The following BNC2 variants were observed in gnomAD, a reference collection of about 807,000 sequenced individuals.
The protein encoded by BNC2 is zinc finger protein basonuclin-2.
In BNC2, 20 loss-of-function variants were observed where a neutral mutation model predicts 76.3. That is an observed-to-expected ratio of 0.26 (90% CI 0.18 to 0.38). The LOEUF is 0.38. BNC2 is among the 10% of genes least tolerant of loss of function. The pLI, the probability that BNC2 is intolerant of heterozygous loss-of-function variation, is 1.00. For synonymous variants in BNC2, 582 were observed against 514.8 expected (o/e 1.13, Z -1.77); for missense variants, 1,382 against 1,399.8 (o/e 0.99, Z 0.20).
intron 3 of BNC2, among the ~76,000 whole-genome samples, chr9:16,599,762 G>A (rs886655629): frequency 1.3e-5 from 2 of 152,156 alleles, no homozygotes; most frequent in South Asian, 2.1e-4. Context: ...CCACCTAGGC[G>A]AAAGAGCGAG....
At position 16,870,631 on chromosome 9, in the gene BNC2, G is replaced by C. The variant is rs532215331; in HGVS notation, c.3+15C>G. On this transcript the variant is annotated intron_variant, in intron 1 of 6. Transcript: ENST00000380672. ...AGTCTAGAATAAAAGAGGAAGGAGG[G>C]TGGAAACTTCTTACCATCTCGGCAT... 1.9e-5 allele frequency: 30 copies of C among 1,610,684 alleles called. No individual in the cohort carries two copies. The highest frequency in any genetic ancestry group is 1.7e-4 in the Middle Eastern group (1 of 6,030).
At chr9:16,836,961 A>C (rs1347980702) in intron 1 of BNC2, among the ~76,000 whole-genome samples, 1 of 152,208 alleles carries the variant, frequency 6.6e-6, no homozygotes, top group African/African-American at 2.4e-5. Flanking sequence ...CACCTGGTTC[A>C]ACATATGTTA....
intron 4 of BNC2, among the ~76,000 whole-genome samples, chr9:16,565,901 G>T (rs2132750208): frequency 6.6e-6 from 1 of 152,094 alleles, no homozygotes; most frequent in South Asian, 2.1e-4. Context: ...TCAATGGGGT[G>T]GGAGTCGGGT....
At chr9:16,657,072 G>C (rs1427100969) in intron 3 of BNC2, among the ~76,000 whole-genome samples, 1 of 152,172 alleles carries the variant, frequency 6.6e-6, no homozygotes, top group Admixed American at 6.5e-5. Context: ...TAGTTTTGAA[G>C]TGGATCAACC....
chr9:16,479,527 C>T (rs761566059), intron 5 of BNC2, among the ~76,000 whole-genome samples: 2 of 152,112 alleles, frequency 1.3e-5, no homozygotes, highest in East Asian at 1.9e-4. Flanking sequence ...ACAGAAAAGT[C>T]GAATGAATTG....
At chr9:16,598,166 T>C (rs1042768128) in intron 3 of BNC2, among the ~76,000 whole-genome samples, 1 of 152,226 alleles carries the variant, frequency 6.6e-6, no homozygotes, top group Non-Finnish European at 1.5e-5. Flanking sequence ...AACATCTTTC[T>C]AAGAAATTGA....
At chr9:16,763,720 C>T (rs560141653) in intron 1 of BNC2, among the ~76,000 whole-genome samples, 48 of 152,178 alleles carry the variant, frequency 3.2e-4, no homozygotes, top group Admixed American at 8.5e-4. Context: ...CAGAAAACTA[C>T]ATAGCATGTT....
chr9:16,857,256 T>C (rs1819281887), intron 1 of BNC2, among the ~76,000 whole-genome samples: 1 of 151,968 alleles, frequency 6.6e-6, no homozygotes, highest in Non-Finnish European at 1.5e-5. Context: ...GGTGGGCAGA[T>C]CACCAGAGGT....
At chr9:16,462,668 A>G (rs781325693) in intron 5 of BNC2, among the ~76,000 whole-genome samples, 9 of 152,184 alleles carry the variant, frequency 5.9e-5, no homozygotes, top group Non-Finnish European at 1.3e-4. Flanking sequence ...CTCTTCCACA[A>G]TGGAAATGGC....
intron 3 of BNC2, among the ~76,000 whole-genome samples, chr9:16,682,090 G>T (rs751910135): frequency 6.6e-5 from 10 of 151,848 alleles, no homozygotes; most frequent in African/African-American, 2.4e-4. Context: ...ATCTGTGAAG[G>T]AAACAACCTT....
At chr9:16,590,346 T>A (rs796130398) in intron 3 of BNC2, among the ~76,000 whole-genome samples, 80 of 152,080 alleles carry the variant, frequency 5.3e-4, no homozygotes, top group African/African-American at 1.9e-3. Context: ...GCGCCCACCA[T>A]CATGGCTGGC....
At chr9:16,691,809 ATTT>A (rs35924079) in intron 3 of BNC2, among the ~76,000 whole-genome samples, 41 of 129,458 alleles carry the variant, frequency 3.2e-4, no homozygotes, top group East Asian at 6.8e-4. Flanking sequence ...GTGCCCAGCC[ATTT>A]TTTTTTTTTT....
At chr9:16,696,140 A>G (rs1823331116) in intron 3 of BNC2, among the ~76,000 whole-genome samples, 1 of 152,146 alleles carries the variant, frequency 6.6e-6, no homozygotes, top group South Asian at 2.1e-4. Flanking sequence ...TCCTGACTTT[A>G]TCATTCCATA....
intron 5 of BNC2, among the ~76,000 whole-genome samples, chr9:16,445,286 A>G (rs1392534948): frequency 6.6e-6 from 1 of 152,222 alleles, no homozygotes; most frequent in East Asian, 1.9e-4. Context: ...AGCATACACA[A>G]TATACATCAG....
rs116541238 is a variant in BNC2, at chr9:16,721,811, G to A, written c.330+5986C>T. 3.1e-3 allele frequency among the ~76,000 whole-genome samples: 466 copies of A among 152,124 alleles called. 5 individuals carry two copies. The highest frequency in any genetic ancestry group is 0.01 in the African/African-American group (435 of 41,514). ...CCACAAAGTTCTCTGACAGCACTCT[G>A]GGGGGAAAAAGGAGTTAATTCCTAG... On this transcript the variant is annotated intron_variant, in intron 3 of 6. Coordinates refer to ENST00000380672, the MANE Select transcript of BNC2 (RefSeq NM_017637.6).
At chr9:16,526,828 T>C (rs1817819464) in intron 5 of BNC2, among the ~76,000 whole-genome samples, 1 of 152,188 alleles carries the variant, frequency 6.6e-6, no homozygotes, top group Non-Finnish European at 1.5e-5. Context: ...CAACACTATG[T>C]ACCATCCATG....
chr9:16,489,891 C>G (rs544085563), intron 5 of BNC2, among the ~76,000 whole-genome samples: 24 of 152,274 alleles, frequency 1.6e-4, no homozygotes, highest in Admixed American at 7.8e-4. Context: ...GAACAAGAGC[C>G]CTCGTGTATC....
chr9:16,763,229 C>G (rs10962574), intron 1 of BNC2, among the ~76,000 whole-genome samples: 32,147 of 152,042 alleles, frequency 0.21, 4,224 homozygotes, highest in East Asian at 0.68. Flanking sequence ...TAATTCCGTT[C>G]CCCTCCATTT....
chr9:16,428,312 G>A (rs540399406), intron 6 of BNC2, among the ~76,000 whole-genome samples: 7 of 152,258 alleles, frequency 4.6e-5, no homozygotes, highest in East Asian at 3.9e-4. Flanking sequence ...GAGTTAGAGC[G>A]GCTCCCCTCC....
Sources: gnomAD v4.1 joint callset for allele counts (sites outside exome capture counted in the v4.1 genomes callset) on GRCh38, gnomAD v4.1.1 for gene constraint, MANE v1.5 for transcripts, NCBI Gene and HGNC (gene_info 2026-07-23, HGNC 2026-07-21) for gene names.